ERC2: variants seen among roughly 807,000 people sequenced by gnomAD.
The protein encoded by ERC2 is ELKS/RAB6-interacting/CAST family member 2.
ERC2 carries 42 observed loss-of-function variants against 114.8 expected under a neutral mutation model. That is an observed-to-expected ratio of 0.37 (90% CI 0.29 to 0.47). The LOEUF (loss-of-function observed/expected upper bound fraction) is 0.47, where lower values mean the gene tolerates loss of function less well. Among genes scored for constraint, ERC2 ranks in the 20% least tolerant of loss-of-function variants. ERC2 has a pLI of 0.99. For missense variants in ERC2, 939 were observed against 1,150.7 expected (o/e 0.82, Z 2.66); for synonymous variants, 454 against 425.5 (o/e 1.07, Z -0.82).
At chr3:55,937,169 T>TGTCTC (rs1314094810) in intron 13 of ERC2, among the ~76,000 whole-genome samples, 1 of 152,100 alleles carries the variant, frequency 6.6e-6, no homozygotes, top group Non-Finnish European at 1.5e-5. Context: ...GGTGAAACCT[T>TGTCTC]GTCTCTACTA....
intron 13 of ERC2, among the ~76,000 whole-genome samples, chr3:55,936,865 A>C (rs2066475771): frequency 6.6e-6 from 1 of 152,204 alleles, no homozygotes; most frequent in Non-Finnish European, 1.5e-5. Context: ...CACGGCATCA[A>C]CCTGCATTTA....
intron 2 of ERC2, among the ~76,000 whole-genome samples, chr3:56,392,032 G>A (rs1374269732): frequency 6.6e-6 from 1 of 152,168 alleles, no homozygotes; most frequent in Non-Finnish European, 1.5e-5. Flanking sequence ...ATGTATTCAA[G>A]TAAACATATT....
intron 6 of ERC2, among the ~76,000 whole-genome samples, chr3:56,102,010 G>A (rs1435675464): frequency 2.0e-5 from 3 of 152,210 alleles, no homozygotes; most frequent in Non-Finnish European, 4.4e-5. Context: ...AATCCAGCAA[G>A]ATGTGGTACT....
chr3:55,876,488 C>T (rs2149294506), intron 14 of ERC2, among the ~76,000 whole-genome samples: 1 of 152,298 alleles, frequency 6.6e-6, no homozygotes, highest in South Asian at 2.1e-4. Context: ...GTAAGAAGTG[C>T]TTCCCTAGAA....
In ERC2 at chr3:56,392,075, C is replaced by T. The variant is rs72873483; in HGVS notation, c.657+42276G>A. Among the ~76,000 whole-genome samples the T allele has an allele frequency of 8.9e-3, 1,354 of 152,208 alleles. 17 individuals are homozygous for T. The highest frequency in any genetic ancestry group is 0.031 in the African/African-American group (1,298 of 41,522). ...TGTAGTGTAAATAATAGCAAAGATG[C>T]TATCCTTTGCTGAAAGGTGAAGAGG... On this transcript the variant is annotated intron_variant, in intron 2 of 17. Transcript: ENST00000288221.
intron 14 of ERC2, among the ~76,000 whole-genome samples, chr3:55,759,911 G>T (rs1232706948): frequency 1.3e-5 from 2 of 152,148 alleles, no homozygotes; most frequent in African/African-American, 4.8e-5. Context: ...TTAGCATTTT[G>T]GTTGAAGTTT....
At chr3:55,606,062 G>T (rs918967383) in intron 17 of ERC2, among the ~76,000 whole-genome samples, 3 of 152,170 alleles carry the variant, frequency 2.0e-5, no homozygotes, top group African/African-American at 4.8e-5. Context: ...GTCTCTGTGG[G>T]TTTATTCTTT....
intron 14 of ERC2, among the ~76,000 whole-genome samples, chr3:55,810,221 A>T (rs963505916): frequency 1.3e-5 from 2 of 152,180 alleles, no homozygotes; most frequent in East Asian, 1.9e-4. Flanking sequence ...AAAATCCAAA[A>T]TATAAAGATA....
intron 6 of ERC2, among the ~76,000 whole-genome samples, chr3:56,091,442 T>A (rs568092633): frequency 6.6e-6 from 1 of 152,260 alleles, no homozygotes; most frequent in Admixed American, 6.5e-5. Flanking sequence ...TAGGCATATA[T>A]AGTTTGAGAT....
At chr3:56,276,474 A>AAAAAAAAAAAAAAAAAAAC (rs1446116012) in intron 3 of ERC2, among the ~76,000 whole-genome samples, 41 of 147,106 alleles carry the variant, frequency 2.8e-4, no homozygotes, top group Non-Finnish European at 5.9e-4. Context: ...AAAAAAAAAA[A>AAAAAAAAAAAAAAAAAAAC]AAACAAACTC....
intron 2 of ERC2, among the ~76,000 whole-genome samples, chr3:56,313,595 G>A (rs2056725707): frequency 1.3e-5 from 2 of 152,210 alleles, no homozygotes; most frequent in Non-Finnish European, 2.9e-5. Flanking sequence ...AGCAGCAACT[G>A]TGAAAACAAG....
intron 15 of ERC2, among the ~76,000 whole-genome samples, chr3:55,732,446 C>T (rs1036681336): frequency 1.3e-5 from 2 of 152,144 alleles, no homozygotes; most frequent in African/African-American, 4.8e-5. Context: ...CATACAGGAG[C>T]TGAACTCTGC....
intron 12 of ERC2, among the ~76,000 whole-genome samples, chr3:55,952,180 C>CACACACTATATA (rs1553749407): frequency 3.9e-5 from 1 of 25,572 alleles, no homozygotes; most frequent in African/African-American, 1.4e-4. Flanking sequence ...CACACACACA[C>CACACACTATATA]TCTCTCTCTC....
At chr3:55,582,588 T>C (rs576884839) in intron 17 of ERC2, among the ~76,000 whole-genome samples, 9 of 152,346 alleles carry the variant, frequency 5.9e-5, no homozygotes, top group African/African-American at 2.2e-4. Flanking sequence ...CTATTTCAAA[T>C]TAGTTTGTAA....
At chr3:55,942,499 G>A (rs207463151) in intron 13 of ERC2, among the ~76,000 whole-genome samples, 1 of 147,696 alleles carries the variant, frequency 6.8e-6, no homozygotes, top group Admixed American at 6.7e-5. Context: ...GGGTTTCACC[G>A]TTTTAGCCGG....
chr3:55,869,905 G>A (rs1479220150), intron 14 of ERC2, among the ~76,000 whole-genome samples: 1 of 152,114 alleles, frequency 6.6e-6, no homozygotes, highest in East Asian at 1.9e-4. Context: ...TCACAGAGAG[G>A]CGAGAAGATT....
At chr3:55,782,953 T>C (rs2069177494) in intron 14 of ERC2, among the ~76,000 whole-genome samples, 1 of 152,198 alleles carries the variant, frequency 6.6e-6, no homozygotes, top group Non-Finnish European at 1.5e-5. Flanking sequence ...TACAGTGACA[T>C]TCAACAGATG....
intron 14 of ERC2, among the ~76,000 whole-genome samples, chr3:55,823,672 G>A (rs892078521): frequency 2.6e-5 from 4 of 152,146 alleles, no homozygotes; most frequent in African/African-American, 9.7e-5. Context: ...ACAGGGTATG[G>A]CAGATACTAT....
chr3:55,756,879 C>T (rs1185322093), intron 14 of ERC2, among the ~76,000 whole-genome samples: 1 of 152,040 alleles, frequency 6.6e-6, no homozygotes, highest in African/African-American at 2.4e-5. Flanking sequence ...AGGAAACGTA[C>T]ATGCTTTTAT....
Sources: gnomAD v4.1 joint callset for allele counts (sites outside exome capture counted in the v4.1 genomes callset) on GRCh38, gnomAD v4.1.1 for gene constraint, MANE v1.5 for transcripts, NCBI Gene and HGNC (gene_info 2026-07-23, HGNC 2026-07-21) for gene names.